PDE10A: variants seen among roughly 807,000 people sequenced by gnomAD.
The protein encoded by PDE10A is cAMP and cAMP-inhibited cGMP 3',5'-cyclic phosphodiesterase 10A.
Under a neutral mutation model 97.7 loss-of-function variants are expected in PDE10A, and 39 were observed. That is an observed-to-expected ratio of 0.40 (90% CI 0.31 to 0.52). PDE10A has a LOEUF of 0.52. Ranked by LOEUF, PDE10A falls within the 20% of genes least tolerant of loss-of-function variation. The pLI, the probability that PDE10A is intolerant of heterozygous loss-of-function variation, is 0.56. For missense variants in PDE10A, 731 were observed against 1,047.8 expected, an observed-to-expected ratio of 0.70 and a Z score of 4.17; for synonymous variants, 371 against 376.8, an observed-to-expected ratio of 0.98 and a Z score of 0.18.
At position 165,619,585 on chromosome 6, in the gene PDE10A, TACTGTAGTCTAGCGTAGTGC is replaced by T. The variant is rs1376315249; in HGVS notation, c.865+42342_865+42361del. 9.3e-4 allele frequency among the ~76,000 whole-genome samples: 142 copies of T among 152,116 alleles called. 9 individuals are homozygous for T. The highest frequency in any genetic ancestry group is 3.3e-3 in the African/African-American group (136 of 41,382). On this transcript the variant is annotated intron_variant, in intron 1 of 21. Coordinates refer to ENST00000539869, the MANE Select transcript of PDE10A (RefSeq NM_001385079.1). ...TAGTATACTGTAGTCTAGCGTAGTG[TACTGTAGTCTAGCGTAGTGC>T]ACTGTAGTCTAGTGTACTGTAGTAT...
intron 1 of PDE10A, among the ~76,000 whole-genome samples, chr6:165,607,052 C>A (rs538990822): frequency 6.6e-6 from 1 of 152,232 alleles, no homozygotes; most frequent in East Asian, 1.9e-4. Context: ...TATTTTCTTG[C>A]TTCCCAACTT....
rs1781332247 is a variant in PDE10A, at chr6:165,331,356, A to G, written c.*1669T>C. 1 of 152,228 alleles carries G rather than the reference A, an allele frequency of 6.6e-6. No homozygotes were observed. Among genetic ancestry groups the G allele is most frequent in the African/African-American group, 2.4e-5 (1 of 41,462 alleles). 9.4% of individuals were successfully genotyped at this position (152,228 alleles called of 1,614,324 possible). On this transcript the variant is annotated 3_prime_UTR_variant, in exon 22 of 22. Coordinates refer to ENST00000539869, the MANE Select transcript of PDE10A (RefSeq NM_001385079.1). Reference sequence around the variant, plus strand: ...AGATGGCAACTTTCAGAAGCCCACAAGAAAACTGAACACATAGTGTTAATT... The same window carrying G: ...AGATGGCAACTTTCAGAAGCCCACAGGAAAACTGAACACATAGTGTTAATT...
intron 1 of PDE10A, among the ~76,000 whole-genome samples, chr6:165,842,495 G>A (rs751673793): frequency 2.5e-4 from 38 of 152,210 alleles, no homozygotes; most frequent in Non-Finnish European, 5.3e-4. Flanking sequence ...AGCACCCACT[G>A]ACTGTAACTT....
chr6:165,547,587 A>G (rs1462739502), intron 1 of PDE10A, among the ~76,000 whole-genome samples: 1 of 152,186 alleles, frequency 6.6e-6, no homozygotes, highest in African/African-American at 2.4e-5. Flanking sequence ...TCTATGGTTA[A>G]TGATTCAGCC....
chr6:165,593,586 G>A (rs184924828), intron 1 of PDE10A, among the ~76,000 whole-genome samples: 144 of 152,170 alleles, frequency 9.5e-4, no homozygotes, highest in Non-Finnish European at 8.7e-4. Context: ...TGCATATACT[G>A]ACCATTCCAT....
intron 20 of PDE10A, among the ~76,000 whole-genome samples, chr6:165,337,284 G>A (rs1392105485): frequency 2.0e-5 from 3 of 152,172 alleles, no homozygotes; most frequent in African/African-American, 7.2e-5. Context: ...CACTGGCCAA[G>A]TGGCTGCATC....
intron 1 of PDE10A, chr6:165,576,305 T>G (rs1314268335): frequency 9.9e-6 from 7 of 704,820 alleles, no homozygotes; most frequent in Non-Finnish European, 1.8e-5. Context: ...ATTGATAATT[T>G]TAATGAATTG....
chr6:165,433,439 G>A lies in PDE10A; in HGVS notation c.1336-310C>T, dbSNP rs547570642. On this transcript the variant is annotated intron_variant, in intron 6 of 21. Transcript: ENST00000539869. Reference sequence around the variant, plus strand: ...TCATAAATGCTGGCACTTATTCATCGTCTTCTATGTGCCGGAACAGTCTTA... The same window carrying A: ...TCATAAATGCTGGCACTTATTCATCATCTTCTATGTGCCGGAACAGTCTTA... Among the ~76,000 whole-genome samples the A allele has an allele frequency of 1.1e-4, 17 of 152,156 alleles. No individual in the cohort carries two copies. The East Asian group carries it at 1.2e-3, about 10-fold the overall frequency.
At chr6:165,945,525 T>A (rs1783736647) in intron 1 of PDE10A, among the ~76,000 whole-genome samples, 1 of 151,532 alleles carries the variant, frequency 6.6e-6, no homozygotes, top group South Asian at 2.1e-4. Flanking sequence ...TTTTGGGGGG[T>A]GATTAGGTCA....
rs79487647 is a variant in PDE10A, at chr6:165,729,261, C to T, written c.-614-185693G>A. On this transcript the variant is annotated intron_variant, in intron 1 of 19. Transcript: ENST00000366882. ...TGTTTTCAGTGAAACCGAATATCAA[C>T]CTTTTTCAAATGGAAAAATCCCCAA... Among the ~76,000 whole-genome samples, 348 of 151,952 alleles carry T rather than the reference C, an allele frequency of 2.3e-3. 1 individual carries two copies. The highest frequency in any genetic ancestry group is 7.8e-3 in the African/African-American group (322 of 41,474).
intron 1 of PDE10A, among the ~76,000 whole-genome samples, chr6:165,704,414 C>A (rs187680045): frequency 1.3e-5 from 2 of 152,146 alleles, no homozygotes; most frequent in Non-Finnish European, 2.9e-5. Flanking sequence ...AGCAAAAATG[C>A]GCAGCAGGAA....
At chr6:165,940,611 C>T (rs1783485345) in intron 1 of PDE10A, 1 of 152,292 alleles carries the variant, frequency 6.6e-6, no homozygotes, top group Admixed American at 6.5e-5. Flanking sequence ...GGCTCACGTT[C>T]GCGTTTCCTC....
chr6:165,522,886 C>T (rs954274644), intron 2 of PDE10A, among the ~76,000 whole-genome samples: 1 of 152,020 alleles, frequency 6.6e-6, no homozygotes, highest in African/African-American at 2.4e-5. Flanking sequence ...AAACAATCTA[C>T]CAAAGGCTCC....
In PDE10A at chr6:165,327,546, G is replaced by C. The variant is rs1378965146; in HGVS notation, c.*5479C>G. 6.6e-6 allele frequency: 1 copy of C among 152,046 alleles called. No individual in the cohort carries two copies. 9.4% of individuals were successfully genotyped at this position (152,046 alleles called of 1,614,324 possible). ...GCCTAGATTATAATAAATGATTACT[G>C]TTCTATTATACAAACATAACAGTAA... On this transcript the variant is annotated 3_prime_UTR_variant, in exon 22 of 22. Coordinates refer to ENST00000539869, the MANE Select transcript of PDE10A (RefSeq NM_001385079.1).
intron 18 of PDE10A, among the ~76,000 whole-genome samples, chr6:165,352,647 G>GA (rs761081382): frequency 0.017 from 2,490 of 142,624 alleles, 47 homozygotes; most frequent in African/African-American, 0.049. Flanking sequence ...ACATCTGCAT[G>GA]AAAAAAAAAA....
chr6:165,642,267 G>A (rs1423160397), intron 1 of PDE10A, among the ~76,000 whole-genome samples: 1 of 152,160 alleles, frequency 6.6e-6, no homozygotes, highest in Non-Finnish European at 1.5e-5. Flanking sequence ...TAGATGCCCC[G>A]GATGAATGTG....
At chr6:165,829,143 A>G (rs1779838862) in intron 1 of PDE10A, among the ~76,000 whole-genome samples, 1 of 152,178 alleles carries the variant, frequency 6.6e-6, no homozygotes, top group African/African-American at 2.4e-5. Context: ...GGGTGCTCCC[A>G]GTGTCCTTTT....
Position 165,979,817 on chromosome 6 carries a change from G to A in PDE10A, c.-615+7712C>T, listed in dbSNP as rs78082213. Among the ~76,000 whole-genome samples, 770 of 152,290 alleles carry A rather than the reference G, an allele frequency of 5.1e-3. 4 individuals are homozygous for A. The highest frequency in any genetic ancestry group is 0.041 in the Middle Eastern group (12 of 294). On this transcript the variant is annotated intron_variant, in intron 1 of 19. Transcript: ENST00000366882. ...TCACGACACTCAGAGTTACCATTGT[G>A]GTTATGAGAACTCAAGAGTAATACA...
chr6:165,909,627 CG>C (rs1782399085), intron 1 of PDE10A, among the ~76,000 whole-genome samples: 1 of 152,158 alleles, frequency 6.6e-6, no homozygotes, highest in Non-Finnish European at 1.5e-5. Context: ...CATCAGAAAG[CG>C]AATTGCTCCT....
Sources: gnomAD v4.1 joint callset for allele counts (sites outside exome capture counted in the v4.1 genomes callset) on GRCh38, gnomAD v4.1.1 for gene constraint, MANE v1.5 for transcripts, NCBI Gene and HGNC (gene_info 2026-07-23, HGNC 2026-07-21) for gene names.